Variants in TIAM1 observed in about 807,000 individuals in gnomAD.
The protein encoded by TIAM1 is rho guanine nucleotide exchange factor TIAM1.
Under a neutral mutation model 163.5 loss-of-function variants are expected in TIAM1, and 65 were observed. The ratio of observed to expected loss-of-function variants is 0.40; its 90% confidence interval spans 0.33 to 0.49. TIAM1 has a LOEUF of 0.49. Among genes scored for constraint, TIAM1 ranks in the 20% least tolerant of loss-of-function variants. The pLI, the probability that TIAM1 is intolerant of heterozygous loss-of-function variation, is 0.77. For synonymous variants in TIAM1, 833 were observed against 810.1 expected, an observed-to-expected ratio of 1.03 and a Z score of -0.48; for missense variants, 1,789 against 2,044.7, an observed-to-expected ratio of 0.87 and a Z score of 2.41.
At chr21:31,237,612 C>T (rs1352247689) in intron 6 of TIAM1, among the ~76,000 whole-genome samples, 9 of 152,200 alleles carry the variant, frequency 5.9e-5, no homozygotes, top group African/African-American at 2.2e-4. Flanking sequence ...ATACAATACC[C>T]TTGCACAAGT....
chr21:31,430,143 T>C (rs1195417156), intron 2 of TIAM1, among the ~76,000 whole-genome samples: 3 of 147,226 alleles, frequency 2.0e-5, no homozygotes, highest in African/African-American at 5.0e-5. Flanking sequence ...GAGATGGAGG[T>C]TGCAGTGAGC....
At chr21:31,284,697 A>AT (rs1312910709) in intron 2 of TIAM1, among the ~76,000 whole-genome samples, 2 of 150,534 alleles carry the variant, frequency 1.3e-5, no homozygotes, top group Non-Finnish European at 3.0e-5. Context: ...TTTTTTTTGT[A>AT]TTTTTTTTAG....
At chr21:31,509,032 C>A (rs1398166694) in intron 1 of TIAM1, among the ~76,000 whole-genome samples, 2 of 152,150 alleles carry the variant, frequency 1.3e-5, no homozygotes, top group Non-Finnish European at 2.9e-5. Context: ...GGTGAGACCC[C>A]CTGGAGGGAA....
intron 16 of TIAM1, among the ~76,000 whole-genome samples, chr21:31,163,888 T>C (rs540913880): frequency 2.0e-4 from 31 of 152,164 alleles, no homozygotes; most frequent in South Asian, 2.1e-4. Context: ...AGAGAGATCG[T>C]AGAGAAATAT....
intron 2 of TIAM1, among the ~76,000 whole-genome samples, chr21:31,320,310 G>A (rs2075270412): frequency 6.6e-6 from 1 of 152,188 alleles, no homozygotes; most frequent in South Asian, 2.1e-4. Context: ...GGTGGAGGAT[G>A]AGAAATGGGA....
At chr21:31,139,493 T>C (rs559603296) in intron 22 of TIAM1, among the ~76,000 whole-genome samples, 1 of 152,128 alleles carries the variant, frequency 6.6e-6, no homozygotes, top group Non-Finnish European at 1.5e-5. Flanking sequence ...ACTAAACATA[T>C]ACATAGATAT....
At chr21:31,229,080 G>C (rs1470925694) in intron 6 of TIAM1, among the ~76,000 whole-genome samples, 1 of 152,130 alleles carries the variant, frequency 6.6e-6, no homozygotes, top group Non-Finnish European at 1.5e-5. Context: ...TTTGGGTGGG[G>C]GCACAGCCAA....
chr21:31,188,852 G>C (rs1290447504), intron 13 of TIAM1, among the ~76,000 whole-genome samples: 1 of 151,934 alleles, frequency 6.6e-6, no homozygotes, highest in Non-Finnish European at 1.5e-5. Context: ...GGGATTACAG[G>C]CTTTCACTAC....
chr21:31,333,339 T>C (rs1403371594), intron 2 of TIAM1, among the ~76,000 whole-genome samples: 1 of 152,250 alleles, frequency 6.6e-6, no homozygotes, highest in Non-Finnish European at 1.5e-5. Flanking sequence ...TTAAATGTCC[T>C]GACTCTTCAA....
chr21:31,251,536 C>T (rs554331405), intron 5 of TIAM1, among the ~76,000 whole-genome samples: 2 of 152,160 alleles, frequency 1.3e-5, no homozygotes, highest in South Asian at 2.1e-4. Flanking sequence ...CACTTGTAGT[C>T]GATAATGCCA....
chr21:31,504,047 C>G (rs1444742715), intron 1 of TIAM1, among the ~76,000 whole-genome samples: 1 of 152,094 alleles, frequency 6.6e-6, no homozygotes, highest in Non-Finnish European at 1.5e-5. Flanking sequence ...GTCCCTCCTG[C>G]CAATCCCTGC....
intron 2 of TIAM1, among the ~76,000 whole-genome samples, chr21:31,296,928 G>A (rs2074297573): frequency 6.6e-6 from 1 of 152,178 alleles, no homozygotes; most frequent in Admixed American, 6.5e-5. Context: ...CTCCCAAAAT[G>A]CTGGGATTAC....
At chr21:31,155,121 T>G (rs1423735628) in intron 16 of TIAM1, among the ~76,000 whole-genome samples, 2 of 152,222 alleles carry the variant, frequency 1.3e-5, no homozygotes, top group Non-Finnish European at 2.9e-5. Flanking sequence ...AGTCTCCACA[T>G]CTACCAGGGA....
chr21:31,304,807 C>T (rs971330284), intron 2 of TIAM1, among the ~76,000 whole-genome samples: 4 of 152,186 alleles, frequency 2.6e-5, no homozygotes, highest in African/African-American at 9.6e-5. Context: ...ATTCTCGTGC[C>T]GCAGCCTCCC....
intron 1 of TIAM1, among the ~76,000 whole-genome samples, chr21:31,470,726 C>G (rs2045709377): frequency 6.6e-6 from 1 of 152,188 alleles, no homozygotes; most frequent in Non-Finnish European, 1.5e-5. Context: ...GTTTCTATAT[C>G]CTCAAAAGGT....
intron 3 of TIAM1, among the ~76,000 whole-genome samples, chr21:31,269,372 C>A (rs2072944937): frequency 6.6e-6 from 1 of 152,190 alleles, no homozygotes. Flanking sequence ...TCTCCTAAAT[C>A]CTACTAAGAG....
intron 2 of TIAM1, among the ~76,000 whole-genome samples, chr21:31,315,766 G>C (rs891510225): frequency 1.3e-5 from 2 of 151,580 alleles, no homozygotes; most frequent in Admixed American, 1.3e-4. Flanking sequence ...CGGATCATGA[G>C]GTCAGGAGAT....
chr21:31,484,652 C>T (rs1438216757), intron 1 of TIAM1, among the ~76,000 whole-genome samples: 3 of 152,194 alleles, frequency 2.0e-5, no homozygotes, highest in Non-Finnish European at 2.9e-5. Context: ...ACTGTGCATC[C>T]TGTAATCTCA....
At chr21:31,199,523 G>A (rs2086077806) in intron 12 of TIAM1, among the ~76,000 whole-genome samples, 1 of 144,174 alleles carries the variant, frequency 6.9e-6, no homozygotes, top group African/African-American at 2.7e-5. Flanking sequence ...TGTTCTCTCA[G>A]CCTAGAACAT....
Sources: allele counts gnomAD v4.1 joint callset (sites outside exome capture counted in the v4.1 genomes callset), GRCh38; gene constraint gnomAD v4.1.1; transcripts MANE v1.5; gene names NCBI Gene and HGNC (gene_info 2026-07-23, HGNC 2026-07-21).